SYTL2: variants seen among roughly 807,000 people sequenced by gnomAD.
The protein encoded by SYTL2 is synaptotagmin like 2.
Under a neutral mutation model 198.7 loss-of-function variants are expected in SYTL2, and 165 were observed. The observed-to-expected ratio is 0.83, with a 90% CI of 0.73 to 0.94. The LOEUF is 0.94. Among genes scored for constraint, SYTL2 ranks in the 40% least tolerant of loss-of-function variants. SYTL2 has a pLI of 0.00. For missense variants in SYTL2, 2,835 were observed against 2,582.8 expected (o/e 1.10, Z -2.12); for synonymous variants, 966 against 917.7 (o/e 1.05, Z -0.95).
intron 3 of SYTL2, 34 bp downstream of exon 3, chr11:85,748,238 G>C: frequency 6.3e-7 from 1 of 1,595,596 alleles, no homozygotes; most frequent in Non-Finnish European, 8.6e-7. Context: ...CCAAACGAAT[G>C]CTTGTTGTAA....
At chr11:85,763,852 T>C (rs2092164282) in intron 1 of SYTL2, among the ~76,000 whole-genome samples, 1 of 152,206 alleles carries the variant, frequency 6.6e-6, no homozygotes, top group Admixed American at 6.5e-5. Context: ...AAATGCTTTG[T>C]AAACTTCCTA....
intron 1 of SYTL2, among the ~76,000 whole-genome samples, chr11:85,762,665 C>T (rs1202858234): frequency 3.3e-5 from 5 of 152,186 alleles, no homozygotes; most frequent in African/African-American, 1.2e-4. Flanking sequence ...GCTGTTCCTT[C>T]GTCCTGGAAC....
At chr11:85,846,829 G>A in the SYTL2 span, among the ~76,000 whole-genome samples, 1 of 150,750 alleles carries the variant, frequency 6.6e-6, no homozygotes, top group African/African-American at 2.4e-5. Context: ...CGCCTCTCGG[G>A]TTCAAGCGAT....
Position 85,727,216 on chromosome 11 carries a change from A to G in SYTL2, c.2142T>C (p.Phe714=). Residue 714 remains phenylalanine (F), a synonymous_variant, in exon 8 of 20, where the codon TTT becomes TTC. Transcript: ENST00000359152. ...EENRGHSEVN[F]DSSTVVKEPG... ...GTTCTTTGACAACTGTTGAAGAGTC[A>G]AAATTCACTTCTGAGTGTCCTCTAT... is the stretch of plus-strand genomic sequence containing the variant. The G allele has an allele frequency of 6.5e-7, 1 of 1,536,386 alleles. No individual in the cohort carries two copies. Among genetic ancestry groups the G allele is most frequent in the Non-Finnish European group, 8.7e-7 (1 of 1,146,970 alleles).
intron 15 of SYTL2, among the ~76,000 whole-genome samples, chr11:85,705,491 T>C (rs1044214364): frequency 3.9e-5 from 6 of 152,170 alleles, no homozygotes; most frequent in Admixed American, 1.3e-4. Flanking sequence ...CCATATGCCA[T>C]GTATGCTGCC....
chr11:85,741,279 G>A (rs551520257), intron 4 of SYTL2, among the ~76,000 whole-genome samples: 2 of 152,218 alleles, frequency 1.3e-5, no homozygotes, highest in Admixed American at 6.5e-5. Flanking sequence ...ATGAAGAAAC[G>A]GCTCAGGGAT....
At chr11:85,806,028 G>A (rs2092954571) in intron 1 of SYTL2, among the ~76,000 whole-genome samples, 1 of 152,226 alleles carries the variant, frequency 6.6e-6, no homozygotes, top group East Asian at 1.9e-4. Flanking sequence ...TCACATAGGT[G>A]AAGAAGTCAC....
chr11:85,824,518 G>C, the SYTL2 span, among the ~76,000 whole-genome samples: 9 of 152,224 alleles, frequency 5.9e-5, no homozygotes, highest in African/African-American at 2.2e-4. Flanking sequence ...GTCACACTGA[G>C]TGTCTTGGGG....
At chr11:85,805,279 C>A (rs962874737) in intron 1 of SYTL2, among the ~76,000 whole-genome samples, 1 of 151,080 alleles carries the variant, frequency 6.6e-6, no homozygotes, top group Non-Finnish European at 1.5e-5. Context: ...CTGCTTGAGC[C>A]CAGGAGTTCA....
the SYTL2 span, among the ~76,000 whole-genome samples, chr11:85,833,079 GAAAGAAAGAAAGAAAGAAAGAAGGAA>G: frequency 2.0e-5 from 1 of 49,832 alleles, no homozygotes; most frequent in Non-Finnish European, 4.3e-5. Flanking sequence ...AAGAAAGAAA[GAAAGAAAGAAAGAAAGAAAGAAGGAA>G]GGAAGGAAGG....
intron 14 of SYTL2, 134 bp downstream of exon 14, chr11:85,709,197 T>C: frequency 1.2e-6 from 1 of 836,342 alleles, no homozygotes; most frequent in South Asian, 1.7e-5. Context: ...TAAAACAGCA[T>C]TTCCCCCCAA....
intron 1 of SYTL2, among the ~76,000 whole-genome samples, chr11:85,774,268 T>C (rs1033930881): frequency 1.3e-5 from 2 of 152,262 alleles, no homozygotes; most frequent in Non-Finnish European, 2.9e-5. Flanking sequence ...ACATTTTCTC[T>C]ACACCATAAG....
At chr11:85,838,362 T>C in the SYTL2 span, among the ~76,000 whole-genome samples, 1 of 152,166 alleles carries the variant, frequency 6.6e-6, no homozygotes, top group Admixed American at 6.6e-5. Flanking sequence ...GATATAGATA[T>C]GGATGTAGAT....
At chr11:85,738,983 T>G (rs1223426388) in intron 4 of SYTL2, among the ~76,000 whole-genome samples, 1 of 152,186 alleles carries the variant, frequency 6.6e-6, no homozygotes, top group Non-Finnish European at 1.5e-5. Flanking sequence ...TTGCAAATCA[T>G]GTAGTCCCTA....
At position 85,726,415 on chromosome 11, in the gene SYTL2, C is replaced by A. The variant is rs757167851; in HGVS notation, c.2943G>T (p.Gln981His). ...CCCAAAACTTTCTCAAATTCTCAAA[C>A]TGAGAGGGATTATAGACCTGTTCTG... ...PNAEQVYNPSQFENLRKFWDL... is the reference protein window; with the variant it reads ...PNAEQVYNPSHFENLRKFWDL... The change falls in exon 8 of 20, where the codon CAG becomes CAT. Residue 981 changes from glutamine (Q) to histidine (H), a missense_variant. Gln to His is a conservative substitution (Grantham distance 24, BLOSUM62 0). Around this residue, in one of 3 missense-constraint regions of SYTL2, gnomAD observed 2,645 missense variants for 2,381.7 expected, o/e 1.11. Coordinates refer to ENST00000359152, the MANE Select transcript of SYTL2 (RefSeq NM_206927.4). 1.9e-6 allele frequency: 3 copies of A among 1,613,210 alleles called. No individual in the cohort carries two copies. The South Asian group carries it at 3.3e-5, about 18-fold the overall frequency.
chr11:85,735,309 A>T (rs1361199040), intron 6 of SYTL2, among the ~76,000 whole-genome samples: 1 of 152,186 alleles, frequency 6.6e-6, no homozygotes, highest in Non-Finnish European at 1.5e-5. Flanking sequence ...CACCCAATAC[A>T]GAAAGTTTTT....
rs1387817966 is a variant in SYTL2, at chr11:85,726,296, TTG to T, written c.3060_3061del (p.His1020GlnfsTer7). On this transcript the variant is annotated frameshift_variant, in exon 8 of 20. Coordinates refer to ENST00000359152, the MANE Select transcript of SYTL2 (RefSeq NM_206927.4). LOFTEE classifies it high-confidence loss of function. Reference sequence around the variant, plus strand: ...TGATAATTTAATGTCGCTGAATTCCTTGTGTTTCTGCCTATTAAAAGGTGCAG... The same window carrying T: ...TGATAATTTAATGTCGCTGAATTCCTTGTTTCTGCCTATTAAAAGGTGCAG... 6.2e-7 allele frequency: 1 copy of T among 1,614,076 alleles called. No homozygotes were observed. The highest frequency in any genetic ancestry group is 1.1e-5 in the South Asian group (1 of 91,070).
chr11:85,781,153 T>C (rs1178806344), intron 1 of SYTL2, among the ~76,000 whole-genome samples: 1 of 152,180 alleles, frequency 6.6e-6, no homozygotes, highest in African/African-American at 2.4e-5. Flanking sequence ...AAGTTCAGCA[T>C]GGCTGGGGAG....
In SYTL2 at chr11:85,761,110, C is replaced by A. The variant is rs535418598; in HGVS notation, c.-389-2996G>T. Reference sequence around the variant, plus strand: ...GCAGCAAGGGAACAAGACAGAAAAACTTCCTGCCTTTGTGGAGTTCATATG... The same window carrying A: ...GCAGCAAGGGAACAAGACAGAAAAAATTCCTGCCTTTGTGGAGTTCATATG... On this transcript the variant is annotated intron_variant, in intron 1 of 19. Transcript: ENST00000359152. Among the ~76,000 whole-genome samples, 13 of 152,106 alleles carry A rather than the reference C, an allele frequency of 8.5e-5. No homozygotes were observed. In the South Asian group the frequency reaches 2.7e-3, roughly 32 times the overall value.
Sources: gnomAD v4.1 joint callset for allele counts (sites outside exome capture counted in the v4.1 genomes callset) on GRCh38, gnomAD v4.1.1 for gene constraint, gnomAD v4.1.1 regional missense constraint, MANE v1.5 for transcripts, NCBI Gene and HGNC (gene_info 2026-07-23, HGNC 2026-07-21) for gene names.